Variants in ADAMTS14 observed in about 807,000 individuals in gnomAD.
ADAMTS14 encodes A disintegrin and metalloproteinase with thrombospondin motifs 14.
A neutral mutation model predicts 128.6 loss-of-function variants in ADAMTS14; 100 were observed. The observed-to-expected ratio is 0.78, with a 90% CI of 0.66 to 0.92. ADAMTS14 has a LOEUF of 0.92. Ranked by LOEUF, ADAMTS14 falls within the 40% of genes least tolerant of loss-of-function variation. The pLI is 0.00. For synonymous variants in ADAMTS14, 665 were observed against 653.8 expected (o/e 1.02, Z -0.26); for missense variants, 1,562 against 1,658.6 (o/e 0.94, Z 1.01).
intron 10 of ADAMTS14, among the ~76,000 whole-genome samples, chr10:70,738,390 C>T (rs984177794): frequency 3.9e-5 from 6 of 152,192 alleles, no homozygotes; most frequent in African/African-American, 1.4e-4. Context: ...CCTTCCACTG[C>T]ATGCACAGAC....
Position 70,738,259 on chromosome 10 carries a change from A to C in ADAMTS14, c.1600-583A>C, listed in dbSNP as rs949556040. ...CCTGGCCCTGTGCTAAGGCCTGTATAGATATGAGAGCAGTCCCACCTAACA... is the reference window on the plus strand; with the variant it reads ...CCTGGCCCTGTGCTAAGGCCTGTATCGATATGAGAGCAGTCCCACCTAACA... On this transcript the variant is annotated intron_variant, in intron 10 of 21. Coordinates refer to ENST00000373207, the MANE Select transcript of ADAMTS14 (RefSeq NM_080722.4). Among the ~76,000 whole-genome samples, 8 of 152,298 alleles carry C rather than the reference A, an allele frequency of 5.3e-5. No homozygotes were observed. The East Asian group carries it at 7.7e-4, about 15-fold the overall frequency.
intron 2 of ADAMTS14, among the ~76,000 whole-genome samples, chr10:70,698,571 G>C (rs956413992): frequency 2.6e-5 from 4 of 152,224 alleles, no homozygotes; most frequent in Non-Finnish European, 4.4e-5. Context: ...AGTCTCTGCG[G>C]CCCAGGCAGA....
chr10:70,705,575 G>A (rs1840639741), intron 3 of ADAMTS14, among the ~76,000 whole-genome samples: 2 of 152,234 alleles, frequency 1.3e-5, no homozygotes, highest in African/African-American at 4.8e-5. Context: ...ATTCCCATCC[G>A]TTAGTTGTAG....
chr10:70,721,282 C>CAA (rs1251623763), intron 4 of ADAMTS14, among the ~76,000 whole-genome samples: 1 of 152,052 alleles, frequency 6.6e-6, no homozygotes, highest in Non-Finnish European at 1.5e-5. Flanking sequence ...CTCAGCCTCC[C>CAA]AAAGTGCTGG....
Position 70,734,040 on chromosome 10 carries a change from C to T in ADAMTS14, c.1352+12C>T. 3 of 1,610,346 alleles carry T rather than the reference C, an allele frequency of 1.9e-6. No homozygotes were observed. Among genetic ancestry groups the T allele is most frequent in the East Asian group, 2.2e-5 (1 of 44,854 alleles). Reference sequence around the variant, plus strand: ...AGCCGCTACCTCCCGTAGGTCATTCCTGCCCTCAGAGCTGGGATAGGGGAG... The same window carrying T: ...AGCCGCTACCTCCCGTAGGTCATTCTTGCCCTCAGAGCTGGGATAGGGGAG... On this transcript the variant is annotated intron_variant, in intron 8 of 21. Coordinates refer to ENST00000373207, the MANE Select transcript of ADAMTS14 (RefSeq NM_080722.4).
chr10:70,701,516 T>G (rs190572878), intron 2 of ADAMTS14, among the ~76,000 whole-genome samples: 2 of 152,348 alleles, frequency 1.3e-5, no homozygotes, highest in Non-Finnish European at 2.9e-5. Context: ...TGTGCACGTG[T>G]GCATATGCAG....
intron 16 of ADAMTS14, among the ~76,000 whole-genome samples, 157 bp from the exon 17 acceptor site, chr10:70,751,321 C>T (rs2587476): frequency 6.6e-6 from 1 of 152,122 alleles, no homozygotes; most frequent in African/African-American, 2.4e-5. Context: ...CTGAATCCAA[C>T]CCCCTACCAT....
At chr10:70,718,479 G>T (rs1229624993) in intron 4 of ADAMTS14, among the ~76,000 whole-genome samples, 1 of 150,512 alleles carries the variant, frequency 6.6e-6, no homozygotes, top group Non-Finnish European at 1.5e-5. Context: ...CCTCCGTCTC[G>T]CAGGTTCAAG....
chr10:70,721,052 T>TCTTG (rs1348121195), intron 4 of ADAMTS14, among the ~76,000 whole-genome samples: 1 of 134,996 alleles, frequency 7.4e-6, no homozygotes, highest in Non-Finnish European at 1.5e-5. Flanking sequence ...TGAGATGGAC[T>TCTTG]CTTGCTCTGT....
chr10:70,751,941 C>T lies in ADAMTS14; in HGVS notation c.2597-154C>T, dbSNP rs10823611. Among the ~76,000 whole-genome samples the T allele has an allele frequency of 0.26, 39,507 of 152,090 alleles. 5,214 individuals carry two copies. The highest frequency in any genetic ancestry group is 0.28 in the Non-Finnish European group (18,910 of 67,954). ...AGCGAGATGGAGCTGATCAGGAAGG[C>T]GTCCCTCAGAAAGTGACGTGGGCAG... On this transcript the variant is annotated intron_variant, in intron 17 of 21. Transcript: ENST00000373207.
intron 2 of ADAMTS14, among the ~76,000 whole-genome samples, chr10:70,693,002 C>G (rs865875468): frequency 2.3e-4 from 35 of 152,154 alleles, no homozygotes; most frequent in African/African-American, 7.5e-4. Context: ...GGCTCCAGCA[C>G]CTGCTTCTGG....
intron 10 of ADAMTS14, among the ~76,000 whole-genome samples, chr10:70,737,035 T>C: frequency 6.6e-6 from 1 of 152,078 alleles, no homozygotes; most frequent in East Asian, 1.9e-4. Context: ...TGGCTGAGGG[T>C]AGCATGATCT....
At chr10:70,735,744 A>T (rs1589316731) in intron 9 of ADAMTS14, among the ~76,000 whole-genome samples, 1 of 152,184 alleles carries the variant, frequency 6.6e-6, no homozygotes, top group Non-Finnish European at 1.5e-5. Flanking sequence ...CCTGTGCCTG[A>T]GGACATAGAT....
chr10:70,690,587 A>T (rs1840154581), intron 2 of ADAMTS14, among the ~76,000 whole-genome samples: 1 of 145,138 alleles, frequency 6.9e-6, no homozygotes, highest in Non-Finnish European at 1.6e-5. Context: ...TATGTGCGTG[A>T]TCTCACGTGG....
chr10:70,674,928 G>A lies in ADAMTS14; in HGVS notation c.455G>A (p.Cys152Tyr). 6.2e-7 allele frequency: 1 copy of A among 1,613,298 alleles called. No individual in the cohort carries two copies. The highest frequency in any genetic ancestry group is 8.5e-7 in the Non-Finnish European group (1 of 1,180,040). Residue 152 changes from cysteine (C) to tyrosine (Y), a missense_variant, in exon 2 of 22, where the codon TGT (cysteine) becomes TAT (tyrosine). By Grantham distance (194) the Cys-to-Tyr change is radical. Coordinates refer to ENST00000373207, the MANE Select transcript of ADAMTS14 (RefSeq NM_080722.4). ...ELFRQPLRQE[C>Y]VYTGGVTGMP... ...TTCCGGCAGCCCTTACGGCAGGAGT[G>A]TGTGTACACTGGAGGTGTCACTGGA... is the stretch of plus-strand genomic sequence containing the variant.
At chr10:70,676,931 G>A (rs1031026264) in intron 2 of ADAMTS14, among the ~76,000 whole-genome samples, 2 of 152,220 alleles carry the variant, frequency 1.3e-5, no homozygotes, top group African/African-American at 4.8e-5. Context: ...CTCAGTGACA[G>A]GGCTAGGGCT....
intron 10 of ADAMTS14, among the ~76,000 whole-genome samples, chr10:70,737,405 A>G (rs1841860871): frequency 6.6e-6 from 1 of 152,114 alleles, no homozygotes; most frequent in South Asian, 2.1e-4. Context: ...CGTTCATTGA[A>G]CTTTTCTGAC....
intron 19 of ADAMTS14, among the ~76,000 whole-genome samples, chr10:70,756,483 A>G (rs1305081761): frequency 2.0e-5 from 3 of 152,240 alleles, no homozygotes; most frequent in Non-Finnish European, 4.4e-5. Context: ...AAATATAGAG[A>G]TGAATCTCTA....
At chr10:70,733,167 T>C (rs1433306586) in intron 7 of ADAMTS14, among the ~76,000 whole-genome samples, 2 of 152,242 alleles carry the variant, frequency 1.3e-5, no homozygotes, top group Non-Finnish European at 2.9e-5. Flanking sequence ...GGGGAACCTC[T>C]GAGGCCCCTC....
Sources: gnomAD v4.1 joint callset for allele counts (sites outside exome capture counted in the v4.1 genomes callset) on GRCh38, gnomAD v4.1.1 for gene constraint, MANE v1.5 for transcripts, NCBI Gene and HGNC (gene_info 2026-07-23, HGNC 2026-07-21) for gene names.